The following CYTIP variants were observed in gnomAD, a reference collection of about 807,000 sequenced individuals.
The protein encoded by CYTIP is cytohesin 1 interacting protein.
In CYTIP, 26 loss-of-function variants were observed where a neutral mutation model predicts 43.8. The ratio of observed to expected loss-of-function variants is 0.59; its 90% CI spans 0.44 to 0.82. CYTIP has a LOEUF of 0.82. Ranked by LOEUF, CYTIP falls within the 40% of genes least tolerant of loss-of-function variation. The probability of loss-of-function intolerance (pLI) is 0.00; values close to 1 mark genes in which losing one functional copy is unlikely to be tolerated. For missense variants in CYTIP, 426 were observed against 443.1 expected, an observed-to-expected ratio of 0.96 and a Z score of 0.35; for synonymous variants, 162 against 162.9, an observed-to-expected ratio of 0.99 and a Z score of 0.04.
At chr2:157,420,580 G>A (rs545400260) in intron 6 of CYTIP, among the ~76,000 whole-genome samples, 3 of 149,486 alleles carry the variant, frequency 2.0e-5, no homozygotes, top group African/African-American at 7.4e-5. Flanking sequence ...AAGCCTGGGA[G>A]GTTGAGGTTA....
At chr2:157,437,698 C>A (rs1292910240) in intron 1 of CYTIP, among the ~76,000 whole-genome samples, 287 of 118,280 alleles carry the variant, frequency 2.4e-3, no homozygotes, top group Middle Eastern at 8.2e-3. Flanking sequence ...GACTCCATCT[C>A]AAAAAAAAAA....
chr2:157,443,826 G>A (rs776950643), intron 1 of CYTIP, 21 bp downstream of exon 1: 1 of 1,612,690 alleles, frequency 6.2e-7, no homozygotes. Flanking sequence ...CACTCTAAAG[G>A]GTACAAAATA....
Position 157,441,963 on chromosome 2 carries a change from G to T in CYTIP, c.174+1884C>A, listed in dbSNP as rs2105148671. Among the ~76,000 whole-genome samples, 4 of 152,204 alleles carry T rather than the reference G, an allele frequency of 2.6e-5. No homozygotes were observed. In the Middle Eastern group the frequency reaches 0.01, roughly 388 times the overall value. ...CGTGCCGGCTTTTTCAGGGGAAGTT[G>T]TCCAAGTGTTCTGTAAAGCAGCCCA... is the stretch of plus-strand genomic sequence containing the variant. On this transcript the variant is annotated intron_variant, in intron 1 of 7. Coordinates refer to ENST00000264192, the MANE Select transcript of CYTIP (RefSeq NM_004288.5).
intron 5 of CYTIP, among the ~76,000 whole-genome samples, chr2:157,429,897 C>A (rs1685682125): frequency 6.6e-6 from 1 of 151,950 alleles, no homozygotes; most frequent in Admixed American, 6.6e-5. Flanking sequence ...GTGGTGGGCG[C>A]CTGTAGTCCC....
At chr2:157,440,476 G>A (rs1014829552) in intron 1 of CYTIP, among the ~76,000 whole-genome samples, 4 of 152,174 alleles carry the variant, frequency 2.6e-5, no homozygotes, top group Non-Finnish European at 4.4e-5. Context: ...AATTAGCACA[G>A]TTTTCTACCT....
chr2:157,442,248 G>T (rs1646096121), intron 1 of CYTIP, among the ~76,000 whole-genome samples: 1 of 152,082 alleles, frequency 6.6e-6, no homozygotes, highest in Admixed American at 6.5e-5. Context: ...CATTCTTTCT[G>T]CTTACTGAAT....
intron 1 of CYTIP, among the ~76,000 whole-genome samples, chr2:157,437,905 A>G (rs1318117692): frequency 3.9e-5 from 6 of 152,160 alleles, no homozygotes; most frequent in Non-Finnish European, 8.8e-5. Flanking sequence ...AGAAAAGGGA[A>G]CTTTCATACA....
chr2:157,430,805 A>G lies in CYTIP; in HGVS notation c.382+55T>C, dbSNP rs1471006256. 6.5e-6 allele frequency: 10 copies of G among 1,533,052 alleles called. No individual in the cohort carries two copies. In the African/African-American group the frequency reaches 9.7e-5, roughly 15 times the overall value. The allele number at this position is 1,533,052 out of a possible 1,614,324, so 95.0% of individuals were successfully genotyped here. The stretch of plus-strand genomic sequence containing the variant: ...ACATCCTGACCTTCACTCTCAAAAC[A>G]TTTTATTTTCTTTCCATTTAAATGA... On this transcript the variant is annotated intron_variant, in intron 4 of 7. Transcript: ENST00000264192.
intron 6 of CYTIP, among the ~76,000 whole-genome samples, chr2:157,420,272 T>C (rs1333623391): frequency 6.6e-6 from 1 of 152,116 alleles, no homozygotes; most frequent in East Asian, 1.9e-4. Context: ...TCCCAATACT[T>C]TGGGAGGCTG....
chr2:157,416,064 G>C lies in CYTIP; in HGVS notation c.693C>G (p.Gly231=). The C allele has an allele frequency of 6.2e-7, 1 of 1,614,198 alleles. No individual in the cohort carries two copies. Residue 231 remains glycine (G), a synonymous_variant, in exon 8 of 8, where the codon GGC becomes GGG. Coordinates refer to ENST00000264192, the MANE Select transcript of CYTIP (RefSeq NM_004288.5). Reference sequence around the variant, plus strand: ...ATCGATTCCGGTCCACAAGGGCTGGGCCTGGCCCAGGCAGGGGTCCAAACA... The same window carrying C: ...ATCGATTCCGGTCCACAAGGGCTGGCCCTGGCCCAGGCAGGGGTCCAAACA... ...LSLFGPLPGP[G]PALVDRNRLS...
chr2:157,424,628 T>C (rs896453443), intron 6 of CYTIP, among the ~76,000 whole-genome samples: 25 of 152,148 alleles, frequency 1.6e-4, no homozygotes, highest in African/African-American at 5.8e-4. Flanking sequence ...AGTTTGAGAC[T>C]ATAGTAAGCT....
intron 6 of CYTIP, among the ~76,000 whole-genome samples, chr2:157,421,213 A>C (rs1416117632): frequency 1.1e-4 from 17 of 152,232 alleles, no homozygotes; most frequent in Non-Finnish European, 1.5e-5. Flanking sequence ...ACTAAAGCAC[A>C]AGTGAGATCT....
chr2:157,442,760 T>A (rs1370080490), intron 1 of CYTIP, among the ~76,000 whole-genome samples: 1 of 152,186 alleles, frequency 6.6e-6, no homozygotes, highest in Non-Finnish European at 1.5e-5. Flanking sequence ...AATCAGCTAT[T>A]ATACATCACT....
intron 5 of CYTIP, among the ~76,000 whole-genome samples, 179 bp downstream of exon 5, chr2:157,430,380 A>T (rs951053967): frequency 1.3e-5 from 2 of 152,176 alleles, no homozygotes; most frequent in Non-Finnish European, 2.9e-5. Context: ...AGTATGTTCA[A>T]GTGTGAGGAA....
chr2:157,418,410 A>T, intron 7 of CYTIP, 113 bp downstream of exon 7: 1 of 1,008,902 alleles, frequency 9.9e-7, no homozygotes, highest in Non-Finnish European at 1.4e-6. Context: ...CATTTCCTTG[A>T]CCAGCACTAG....
At chr2:157,423,451 C>T (rs868343817) in intron 6 of CYTIP, among the ~76,000 whole-genome samples, 2 of 135,258 alleles carry the variant, frequency 1.5e-5, no homozygotes, top group South Asian at 5.4e-4. Context: ...AAACATAAGT[C>T]GCTAAAACTG....
intron 1 of CYTIP, among the ~76,000 whole-genome samples, chr2:157,437,730 A>G (rs1452613917): frequency 6.6e-6 from 1 of 151,822 alleles, no homozygotes; most frequent in East Asian, 1.9e-4. Flanking sequence ...AAAGAAAGGA[A>G]GAAAAAGAAG....
chr2:157,418,474 C>T, intron 7 of CYTIP, 49 bp downstream of exon 7: 1 of 1,528,046 alleles, frequency 6.5e-7, no homozygotes, highest in Non-Finnish European at 8.8e-7. Context: ...GGCAGAAATA[C>T]TGAAAGAAGT....
chr2:157,430,775 C>T, intron 4 of CYTIP, 85 bp downstream of exon 4: 1 of 1,468,924 alleles, frequency 6.8e-7, no homozygotes, highest in South Asian at 1.2e-5. Flanking sequence ...CTCAAAGCAA[C>T]AAATACATCC....
Sources: gnomAD v4.1 joint callset for allele counts (sites outside exome capture counted in the v4.1 genomes callset) on GRCh38, gnomAD v4.1.1 for gene constraint, MANE v1.5 for transcripts, NCBI Gene and HGNC (gene_info 2026-07-23, HGNC 2026-07-21) for gene names.